BNC2: variants seen among roughly 807,000 people sequenced by gnomAD.
The protein encoded by BNC2 is basonuclin zinc finger protein 2.
Under a neutral mutation model 76.3 loss-of-function variants are expected in BNC2, and 20 were observed. That is an observed-to-expected ratio of 0.26 (90% CI 0.18 to 0.38). The LOEUF is 0.38. Among genes scored for constraint, BNC2 ranks in the 10% least tolerant of loss-of-function variants. The probability of loss-of-function intolerance (pLI) is 1.00; values close to 1 mark genes in which losing one functional copy is unlikely to be tolerated. For synonymous variants in BNC2, 582 were observed against 514.8 expected (o/e 1.13, Z -1.77); for missense variants, 1,382 against 1,399.8 (o/e 0.99, Z 0.20).
chr9:16,594,321 A>G (rs1006324260), intron 3 of BNC2, among the ~76,000 whole-genome samples: 3 of 152,176 alleles, frequency 2.0e-5, no homozygotes, highest in African/African-American at 4.8e-5. Context: ...TGTGCCAAAT[A>G]TAACACCTCA....
chr9:16,678,952 T>A (rs1822741718), intron 3 of BNC2, among the ~76,000 whole-genome samples: 1 of 152,186 alleles, frequency 6.6e-6, no homozygotes, highest in South Asian at 2.1e-4. Flanking sequence ...TAACCTTCTA[T>A]CGCCCAAGAT....
chr9:16,612,562 A>G (rs1179115862), intron 3 of BNC2, among the ~76,000 whole-genome samples: 1 of 152,210 alleles, frequency 6.6e-6, no homozygotes, highest in Non-Finnish European at 1.5e-5. Context: ...GGCCCCATCA[A>G]TTCAATAAAT....
chr9:16,581,031 C>T (rs1172458283), intron 4 of BNC2, among the ~76,000 whole-genome samples: 1 of 152,080 alleles, frequency 6.6e-6, no homozygotes, highest in Non-Finnish European at 1.5e-5. Flanking sequence ...AAGCTCTGTA[C>T]CTATTACCCA....
chr9:16,700,770 G>A (rs1454636225), intron 3 of BNC2, among the ~76,000 whole-genome samples: 2 of 152,060 alleles, frequency 1.3e-5, no homozygotes, highest in African/African-American at 4.8e-5. Context: ...AACCAGCCTG[G>A]CTAACATGGT....
At chr9:16,862,093 T>G (rs1399865598) in intron 1 of BNC2, among the ~76,000 whole-genome samples, 1 of 152,198 alleles carries the variant, frequency 6.6e-6, no homozygotes, top group Admixed American at 6.5e-5. Context: ...GCAGTTGCGT[T>G]GGAAAACAAT....
At position 16,414,579 on chromosome 9, in the gene BNC2, G is replaced by C. The variant is rs1343168844; in HGVS notation, c.*4410C>G. On this transcript the variant is annotated 3_prime_UTR_variant, in exon 7 of 7. Coordinates refer to ENST00000380672, the MANE Select transcript of BNC2 (RefSeq NM_017637.6). ...CACAGGATGAAAAAAAGTTTCTTCT[G>C]GATGATTTGTTTCTTGATGATAGCA... 6.6e-6 allele frequency: 1 copy of C among 152,198 alleles called. No individual in the cohort carries two copies. The highest frequency in any genetic ancestry group is 6.5e-5 in the Admixed American group (1 of 15,286). The allele number at this position is 152,198 out of a possible 1,614,324, so 9.4% of individuals were successfully genotyped here. A position where few individuals can be genotyped will look rare whatever the true frequency, so the allele number is the denominator to read the frequency against.
intron 4 of BNC2, among the ~76,000 whole-genome samples, chr9:16,568,561 G>C (rs1305939113): frequency 6.6e-6 from 1 of 152,066 alleles, no homozygotes; most frequent in Non-Finnish European, 1.5e-5. Context: ...TGCGTATTTA[G>C]AATTTCATCA....
chr9:16,550,294 T>C (rs962772745), intron 5 of BNC2, among the ~76,000 whole-genome samples: 1 of 152,186 alleles, frequency 6.6e-6, no homozygotes, highest in Non-Finnish European at 1.5e-5. Flanking sequence ...TTAGTGTTAG[T>C]ATATTTTATG....
chr9:16,866,276 T>C (rs994541317), intron 1 of BNC2, among the ~76,000 whole-genome samples: 2 of 152,164 alleles, frequency 1.3e-5, no homozygotes, highest in Admixed American at 6.5e-5. Flanking sequence ...GGTTTATAAA[T>C]AGTTTAACAT....
At chr9:16,774,909 T>C (rs889057794) in intron 1 of BNC2, among the ~76,000 whole-genome samples, 1 of 152,240 alleles carries the variant, frequency 6.6e-6, no homozygotes, top group Non-Finnish European at 1.5e-5. Context: ...ATTTTGCCAA[T>C]GAAGCGTTTT....
At chr9:16,475,544 T>G (rs1425004259) in intron 5 of BNC2, among the ~76,000 whole-genome samples, 3 of 152,236 alleles carry the variant, frequency 2.0e-5, no homozygotes, top group Non-Finnish European at 4.4e-5. Flanking sequence ...TTCTGCTCTA[T>G]TCAGAGCTGC....
intron 1 of BNC2, among the ~76,000 whole-genome samples, chr9:16,799,158 G>A (rs1586893352): frequency 6.6e-6 from 1 of 151,822 alleles, no homozygotes; most frequent in African/African-American, 2.4e-5. Context: ...CACTCTAGCT[G>A]TAGAAAATAT....
At chr9:16,861,717 C>T (rs1021362890) in intron 1 of BNC2, among the ~76,000 whole-genome samples, 4 of 152,162 alleles carry the variant, frequency 2.6e-5, no homozygotes, top group Non-Finnish European at 5.9e-5. Flanking sequence ...GGGCCAGGCG[C>T]GGTGGCTCAC....
At chr9:16,747,234 T>A (rs1441273118) in intron 1 of BNC2, among the ~76,000 whole-genome samples, 1 of 152,184 alleles carries the variant, frequency 6.6e-6, no homozygotes, top group Non-Finnish European at 1.5e-5. Context: ...TTGAGAAATT[T>A]CATGAAAAGT....
chr9:16,539,755 AAAGG>A (rs1563830973), intron 5 of BNC2, among the ~76,000 whole-genome samples: 3 of 89,954 alleles, frequency 3.3e-5, no homozygotes, highest in African/African-American at 1.7e-4. Context: ...GAAGGGAAGG[AAAGG>A]AAAGGAAAAG....
chr9:16,454,008 G>A (rs891326411), intron 5 of BNC2, among the ~76,000 whole-genome samples: 2 of 152,062 alleles, frequency 1.3e-5, no homozygotes, highest in African/African-American at 4.8e-5. Context: ...CCAACGTTTT[G>A]CTTATGCTAC....
chr9:16,434,610 A>C (rs1401527803), intron 6 of BNC2, among the ~76,000 whole-genome samples: 1 of 152,194 alleles, frequency 6.6e-6, no homozygotes, highest in Non-Finnish European at 1.5e-5. Context: ...CAAATGCAGG[A>C]TAACCGCACT....
intron 5 of BNC2, among the ~76,000 whole-genome samples, chr9:16,461,362 G>A (rs1821576069): frequency 6.6e-6 from 1 of 152,168 alleles, no homozygotes; most frequent in Admixed American, 6.5e-5. Context: ...TTCTCCAGAA[G>A]AACAAGTACA....
chr9:16,845,517 C>A (rs375170372), intron 1 of BNC2, among the ~76,000 whole-genome samples: 2 of 149,592 alleles, frequency 1.3e-5, no homozygotes. Flanking sequence ...GTCAGGAGAT[C>A]GAGACCATCC....
Sources: allele counts gnomAD v4.1 joint callset (sites outside exome capture counted in the v4.1 genomes callset), GRCh38; gene constraint gnomAD v4.1.1; transcripts MANE v1.5; gene names NCBI Gene and HGNC (gene_info 2026-07-23, HGNC 2026-07-21).